The following ZNF705G variants were observed in gnomAD, a reference collection of about 807,000 sequenced individuals.
ZNF705G encodes zinc finger protein 705G.
Under a neutral mutation model 19.6 loss-of-function variants are expected in ZNF705G, and 23 were observed. The observed-to-expected ratio is 1.17, with a 90% CI of 0.84 to 1.66. The LOEUF is 1.66. Ranked by LOEUF, ZNF705G falls within the 40% of genes most tolerant of loss-of-function variation. The probability of loss-of-function intolerance (pLI) is 0.00; values close to 1 mark genes in which losing one functional copy is unlikely to be tolerated. For synonymous variants in ZNF705G, 146 were observed against 117.7 expected (o/e 1.24, Z -1.56); for missense variants, 457 against 354.4 (o/e 1.29, Z -2.32).
At chr8:7,385,245 C>A (rs1254045757) in intron 1 of ZNF705G, among the ~76,000 whole-genome samples, 2 of 149,212 alleles carry the variant, frequency 1.3e-5, no homozygotes, top group Non-Finnish European at 2.9e-5. Flanking sequence ...TGTTCCGCTT[C>A]TTAATACTAT....
intron 1 of ZNF705G, among the ~76,000 whole-genome samples, chr8:7,382,335 T>C (rs1436311114): frequency 6.8e-6 from 1 of 147,616 alleles, no homozygotes; most frequent in Non-Finnish European, 1.5e-5. Context: ...CCTATTCAAA[T>C]AGAAAGTCTT....
chr8:7,385,256 T>G (rs904508140), intron 1 of ZNF705G, among the ~76,000 whole-genome samples: 5 of 149,252 alleles, frequency 3.4e-5, no homozygotes, highest in Admixed American at 1.3e-4. Flanking sequence ...TTAATACTAT[T>G]GCATTGGGGA....
rs1316562306 is a variant in ZNF705G at position 7,365,004 on chromosome 8, G to T, written c.-71-1987C>A. 2.0e-5 allele frequency among the ~76,000 whole-genome samples: 3 copies of T among 149,626 alleles called. 1 individual carries two copies. The highest frequency in any genetic ancestry group is 1.3e-4 in the Admixed American group (2 of 15,222). ...AAGATTTGGGCTTTAGAGAATATTT[G>T]TGTGTAATTATAACCCAAACATGAA... On this transcript the variant is annotated intron_variant, in intron 2 of 6. Transcript: ENST00000400156.
intron 2 of ZNF705G, among the ~76,000 whole-genome samples, chr8:7,366,582 T>G (rs1487260384): frequency 6.7e-6 from 1 of 149,668 alleles, no homozygotes; most frequent in Non-Finnish European, 1.5e-5. Context: ...TGAAAAATAA[T>G]AATACCTGAG....
At chr8:7,358,906 C>T (rs1317274786) in intron 6 of ZNF705G, among the ~76,000 whole-genome samples, 4 of 149,576 alleles carry the variant, frequency 2.7e-5, no homozygotes, top group Admixed American at 2.0e-4. Flanking sequence ...GATAACTTTT[C>T]TTTACAAGTG....
chr8:7,361,276 C>T (rs1253500333), intron 3 of ZNF705G, 40 bp from the exon 4 acceptor site: 6 of 1,592,416 alleles, frequency 3.8e-6, no homozygotes, highest in African/African-American at 1.4e-5. Context: ...CAGAGAAATT[C>T]CTTTCAATGT....
Position 7,357,805 on chromosome 8 carries a change from T to G in ZNF705G, c.*171A>C, listed in dbSNP as rs912829957. Reference sequence around the variant, plus strand: ...TGAAGTCTCTTCCACATTCCTTACCTTTGTCATTCCTAACACCGTGTCATC... The same window carrying G: ...TGAAGTCTCTTCCACATTCCTTACCGTTGTCATTCCTAACACCGTGTCATC... On this transcript the variant is annotated 3_prime_UTR_variant, in exon 7 of 7. Transcript: ENST00000400156. 8.6e-6 allele frequency: 9 copies of G among 1,051,486 alleles called. No individual in the cohort carries two copies. Among genetic ancestry groups the G allele is most frequent in the Non-Finnish European group, 1.2e-5 (9 of 756,014 alleles). 65.1% of individuals were successfully genotyped at this position (1,051,486 alleles called of 1,614,324 possible). A position where few individuals can be genotyped will look rare whatever the true frequency, so the allele number is the denominator to read the frequency against.
intron 2 of ZNF705G, among the ~76,000 whole-genome samples, chr8:7,364,485 T>C (rs1423686347): frequency 8.0e-5 from 12 of 149,684 alleles, no homozygotes; most frequent in Non-Finnish European, 1.5e-4. Flanking sequence ...ATTTAATAAA[T>C]GATCAACAGA....
rs576027983 is a variant in ZNF705G at position 7,375,589 on chromosome 8, G to A, written c.-72+5863C>T. Among the ~76,000 whole-genome samples, 20 of 93,556 alleles carry A rather than the reference G, an allele frequency of 2.1e-4. 6 individuals carry two copies. Among genetic ancestry groups the A allele is most frequent in the Admixed American group, 6.0e-4 (5 of 8,294 alleles). The allele number at this position is 93,556 out of a possible 152,430, so 61.4% of individuals were successfully genotyped here. A position where few individuals can be genotyped will look rare whatever the true frequency, so the allele number is the denominator to read the frequency against. On this transcript the variant is annotated intron_variant, in intron 2 of 6. Coordinates refer to ENST00000400156, the MANE Select transcript of ZNF705G (RefSeq NM_001164457.3). The stretch of plus-strand genomic sequence containing the variant: ...ATGTTAGTTCTGTATTAAGTTTCTC[G>A]AAAAGTGGTTTGAAAATATAATGCT...
chr8:7,369,912 G>T (rs1291501328), intron 2 of ZNF705G, among the ~76,000 whole-genome samples: 2 of 149,176 alleles, frequency 1.3e-5, no homozygotes, highest in Non-Finnish European at 2.9e-5. Flanking sequence ...TGGGGACAAA[G>T]GCCTGAAAAA....
At chr8:7,366,458 T>C (rs1320191141) in intron 2 of ZNF705G, among the ~76,000 whole-genome samples, 2 of 149,560 alleles carry the variant, frequency 1.3e-5, no homozygotes, top group Non-Finnish European at 2.9e-5. Flanking sequence ...CATATTTAGA[T>C]ACAATAAAAT....
chr8:7,363,392 T>A (rs1269572555), intron 2 of ZNF705G, among the ~76,000 whole-genome samples: 1 of 148,570 alleles, frequency 6.7e-6, no homozygotes, highest in Non-Finnish European at 1.5e-5. Context: ...TTCTCAGATT[T>A]TATTATCCTA....
intron 2 of ZNF705G, among the ~76,000 whole-genome samples, chr8:7,370,455 G>T (rs1807053430): frequency 6.7e-6 from 1 of 149,616 alleles, no homozygotes; most frequent in South Asian, 2.1e-4. Flanking sequence ...AAGTATTAGT[G>T]AGGTTGTGGA....
At chr8:7,366,991 T>C (rs1014725911) in intron 2 of ZNF705G, among the ~76,000 whole-genome samples, 1 of 149,696 alleles carries the variant, frequency 6.7e-6, no homozygotes, top group African/African-American at 2.6e-5. Context: ...TTACAGTTTA[T>C]AGTCACATGT....
intron 6 of ZNF705G, among the ~76,000 whole-genome samples, 152 bp downstream of exon 6, chr8:7,359,467 T>C (rs1325361827): frequency 6.8e-6 from 1 of 146,498 alleles, no homozygotes; most frequent in East Asian, 1.9e-4. Context: ...GTCAATGTAT[T>C]CACTAAATTC....
rs1231233488 is a variant in ZNF705G at position 7,382,784 on chromosome 8, C to T, written c.-221-1183G>A. ...TGAATCATTAAGGAGAGGTTAAATT[C>T]TCTCTCTTCTTTTCAAATTTCAGTA... On this transcript the variant is annotated intron_variant, in intron 1 of 6. Transcript: ENST00000400156. 1.4e-5 allele frequency among the ~76,000 whole-genome samples: 2 copies of T among 146,688 alleles called. 1 individual carries two copies. The highest frequency in any genetic ancestry group is 5.5e-5 in the African/African-American group (2 of 36,154).
chr8:7,364,403 G>C (rs925185082), intron 2 of ZNF705G, among the ~76,000 whole-genome samples: 2 of 149,676 alleles, frequency 1.3e-5, no homozygotes, highest in Non-Finnish European at 2.9e-5. Flanking sequence ...TTGTGACATT[G>C]TGCTTACAGA....
intron 2 of ZNF705G, among the ~76,000 whole-genome samples, chr8:7,365,644 A>G (rs1301174016): frequency 6.7e-6 from 1 of 149,434 alleles, no homozygotes; most frequent in African/African-American, 2.6e-5. Context: ...TATTGGGATT[A>G]CAGGCGTGAG....
At position 7,357,979 on chromosome 8, in the gene ZNF705G, T is replaced by C. The variant is rs750920759; in HGVS notation, c.900A>G (p.Arg300=). 1.9e-6 allele frequency: 3 copies of C among 1,609,332 alleles called. No individual in the cohort carries two copies. Among genetic ancestry groups the C allele is most frequent in the South Asian group, 2.2e-5 (2 of 90,782 alleles). ...GKAFSLSSNL[R] ...CTCCAGTGCGTGTTCTCTCATGTCA[T>C]CTAAGGTTGGAAGACAGACTGAAGG... Residue 300 remains arginine (R), a synonymous_variant, in exon 7 of 7, where the codon AGA becomes AGG. Transcript: ENST00000400156.
Sources: gnomAD v4.1 joint callset for allele counts (sites outside exome capture counted in the v4.1 genomes callset) on GRCh38, gnomAD v4.1.1 for gene constraint, MANE v1.5 for transcripts, NCBI Gene and HGNC (gene_info 2026-07-23, HGNC 2026-07-21) for gene names.